The following BANP variants were observed in gnomAD, a reference collection of about 807,000 sequenced individuals.
The protein encoded by BANP is BTG3 associated nuclear protein.
A neutral mutation model predicts 68.1 loss-of-function variants in BANP; 11 were observed. The observed-to-expected ratio is 0.16, with a 90% CI of 0.10 to 0.27. The LOEUF (loss-of-function observed/expected upper bound fraction) is 0.27, where lower values mean the gene tolerates loss of function less well. Ranked by LOEUF, BANP falls within the 10% of genes least tolerant of loss-of-function variation. The pLI is 1.00. For missense variants in BANP, 504 were observed against 722.7 expected, an observed-to-expected ratio of 0.70 and a Z score of 3.47; for synonymous variants, 329 against 303.2, an observed-to-expected ratio of 1.09 and a Z score of -0.88.
At chr16:87,991,253 T>G (rs774121468) in intron 4 of BANP, among the ~76,000 whole-genome samples, 3 of 151,230 alleles carry the variant, frequency 2.0e-5, no homozygotes, top group Non-Finnish European at 4.4e-5. Flanking sequence ...TACCTACAAC[T>G]TCGGGAATTA....
At chr16:87,998,568 G>A (rs143799789) in intron 4 of BANP, among the ~76,000 whole-genome samples, 1 of 81,538 alleles carries the variant, frequency 1.2e-5, no homozygotes, top group African/African-American at 3.7e-5. Context: ...ATGCACGCAC[G>A]TGCGCGGCTG....
chr16:88,013,240 G>T (rs1342242230), intron 6 of BANP, among the ~76,000 whole-genome samples: 1 of 152,212 alleles, frequency 6.6e-6, no homozygotes, highest in East Asian at 1.9e-4. Flanking sequence ...CGCCTCTCCC[G>T]TGAGATGGAT....
chr16:88,040,110 A>T (rs1366545531), intron 11 of BANP, among the ~76,000 whole-genome samples: 2 of 152,190 alleles, frequency 1.3e-5, no homozygotes, highest in African/African-American at 4.8e-5. Context: ...CACTCAGGGT[A>T]GCGGGCGGAA....
At chr16:88,030,532 G>GT (rs1270459431) in intron 8 of BANP, among the ~76,000 whole-genome samples, 2 of 152,254 alleles carry the variant, frequency 1.3e-5, no homozygotes, top group Non-Finnish European at 2.9e-5. Flanking sequence ...ACCTTAGTGA[G>GT]CAAGAAGCTG....
At chr16:88,038,645 G>C (rs2080012996) in intron 11 of BANP, among the ~76,000 whole-genome samples, 1 of 152,210 alleles carries the variant, frequency 6.6e-6, no homozygotes, top group South Asian at 2.1e-4. Flanking sequence ...GTGACCATTG[G>C]TTGAACACCC....
At position 88,057,156 on chromosome 16, in the gene BANP, C is replaced by T. The variant is rs531686537; in HGVS notation, c.1312-8111C>T. ...CGTTGTTGAGCTGTGTCTGCCTTTT[C>T]TGGTGGGCGGGCCTGCCGTGTTGTG... On this transcript the variant is annotated intron_variant, in intron 11 of 13. Transcript: ENST00000682872. This position sits in a 1 kb window ranked among gnomAD's most constrained non-coding sequence, Gnocchi z 4.6. 2.0e-5 allele frequency among the ~76,000 whole-genome samples: 3 copies of T among 152,256 alleles called. No individual in the cohort carries two copies. In the South Asian group the frequency reaches 6.2e-4, roughly 32 times the overall value.
chr16:88,051,756 C>G (rs1471539574), intron 11 of BANP, among the ~76,000 whole-genome samples: 1 of 152,176 alleles, frequency 6.6e-6, no homozygotes, highest in Non-Finnish European at 1.5e-5. Flanking sequence ...TTGAGGGCAG[C>G]TCGGCTGATG....
At chr16:87,967,873 G>T (rs1318108446) in intron 1 of BANP, among the ~76,000 whole-genome samples, 1 of 151,722 alleles carries the variant, frequency 6.6e-6, no homozygotes, top group Non-Finnish European at 1.5e-5. Flanking sequence ...TGCCCGCCTT[G>T]GCCCCCCAAA....
At chr16:88,029,565 C>G (rs1182741546) in intron 8 of BANP, among the ~76,000 whole-genome samples, 3 of 147,200 alleles carry the variant, frequency 2.0e-5, no homozygotes, top group African/African-American at 7.6e-5. Flanking sequence ...GAGCCGAGAT[C>G]ACACCACTGC....
intron 7 of BANP, among the ~76,000 whole-genome samples, chr16:88,024,729 G>A (rs981407318): frequency 2.0e-5 from 3 of 152,274 alleles, no homozygotes; most frequent in Non-Finnish European, 4.4e-5. Context: ...CCGGCAGGGG[G>A]CATTCGCCCA....
chr16:87,999,322 G>A (rs1313414483), intron 4 of BANP, among the ~76,000 whole-genome samples: 4 of 138,164 alleles, frequency 2.9e-5, no homozygotes, highest in Non-Finnish European at 6.2e-5. Flanking sequence ...TTCCAGACAC[G>A]TCTCCATGCA....
chr16:87,977,779 C>G (rs1192529427), intron 2 of BANP, among the ~76,000 whole-genome samples: 1 of 152,314 alleles, frequency 6.6e-6, no homozygotes, highest in African/African-American at 2.4e-5. Context: ...CTTACTCTAC[C>G]TGTCTGAATG....
chr16:88,026,950 C>T (rs1164316330), intron 7 of BANP, among the ~76,000 whole-genome samples: 1 of 152,194 alleles, frequency 6.6e-6, no homozygotes, highest in Non-Finnish European at 1.5e-5. Context: ...AGGGTGGGAG[C>T]CCAGGAGGGC....
intron 1 of BANP, among the ~76,000 whole-genome samples, chr16:87,970,658 G>A (rs917221186): frequency 6.6e-6 from 1 of 152,102 alleles, no homozygotes. Context: ...GTTGTTGATA[G>A]TCTGCTTTTC....
rs778830123 is a variant in BANP at position 87,981,111 on chromosome 16, A to G, written c.146A>G (p.Gln49Arg). The change falls in exon 3 of 14, where the codon CAG becomes CGG. Residue 49 changes from glutamine to arginine, a missense_variant. Coordinates refer to ENST00000682872, the MANE Select transcript of BANP (RefSeq NM_001386991.1). ...CGCCAGCGACTAGAAATCAATTGCCAGGATCCATCTATAAAGGTAAAAATC... is the reference window on the plus strand; with the variant it reads ...CGCCAGCGACTAGAAATCAATTGCCGGGATCCATCTATAAAGGTAAAAATC... ...LKRQRLEINC[Q>R]DPSIKSFLYS... 4.3e-6 allele frequency: 7 copies of G among 1,613,872 alleles called. No individual in the cohort carries two copies. The East Asian group carries it at 8.9e-5, about 21-fold the overall frequency.
At chr16:88,045,336 C>T (rs1025013362) in intron 11 of BANP, among the ~76,000 whole-genome samples, 3 of 152,220 alleles carry the variant, frequency 2.0e-5, no homozygotes, top group African/African-American at 4.8e-5. Flanking sequence ...TGCCCCTCTA[C>T]GCCATCCACA....
chr16:87,974,612 G>C (rs1213370397), intron 1 of BANP, among the ~76,000 whole-genome samples: 2 of 152,214 alleles, frequency 1.3e-5, no homozygotes, highest in African/African-American at 4.8e-5. Context: ...GAGACCAGTG[G>C]TATGGGTGGG....
intron 13 of BANP, among the ~76,000 whole-genome samples, chr16:88,076,271 C>A (rs1167675602): frequency 6.6e-6 from 1 of 152,314 alleles, no homozygotes; most frequent in East Asian, 1.9e-4. Flanking sequence ...CAGGTTACTT[C>A]CCAGTGAGGC....
chr16:88,066,386 G>A (rs909237156), intron 12 of BANP, among the ~76,000 whole-genome samples: 5 of 152,196 alleles, frequency 3.3e-5, no homozygotes, highest in South Asian at 2.1e-4. Flanking sequence ...TCTCTCTGTG[G>A]CGCTGCTGCT....
Sources: allele counts gnomAD v4.1 joint callset (sites outside exome capture counted in the v4.1 genomes callset), GRCh38; gene constraint gnomAD v4.1.1; non-coding constraint Gnocchi (gnomAD v3.1); transcripts MANE v1.5; gene names NCBI Gene and HGNC (gene_info 2026-07-23, HGNC 2026-07-21).